PTGFRN: variants seen among roughly 807,000 people sequenced by gnomAD.
PTGFRN encodes prostaglandin F2 receptor inhibitor, also known as prostaglandin F2 receptor negative regulator.
In PTGFRN, 35 loss-of-function variants were observed where a neutral mutation model predicts 83.2. The ratio of observed to expected loss-of-function variants is 0.42; its 90% CI spans 0.32 to 0.56. The LOEUF (loss-of-function observed/expected upper bound fraction) is 0.56. Ranked by LOEUF, PTGFRN falls within the 20% of genes least tolerant of loss-of-function variation. PTGFRN has a pLI of 0.11. For missense variants in PTGFRN, 1,051 were observed against 1,179.5 expected (o/e 0.89, Z 1.60); for synonymous variants, 519 against 498.6 (o/e 1.04, Z -0.55).
chr1:116,957,124 TC>T (rs1360453443), intron 4 of PTGFRN, among the ~76,000 whole-genome samples: 21 of 150,508 alleles, frequency 1.4e-4, no homozygotes, highest in East Asian at 3.9e-4. Context: ...TCTCTCTCTC[TC>T]TTTCTCTCTC....
intron 1 of PTGFRN, among the ~76,000 whole-genome samples, chr1:116,912,865 C>T (rs1046087780): frequency 5.9e-5 from 9 of 152,168 alleles, no homozygotes; most frequent in East Asian, 1.9e-4. Flanking sequence ...CTCTTGCCTG[C>T]GTATTAATAT....
At chr1:116,969,634 AG>A (rs1190339516) in intron 6 of PTGFRN, among the ~76,000 whole-genome samples, 1 of 152,136 alleles carries the variant, frequency 6.6e-6, no homozygotes, top group Non-Finnish European at 1.5e-5. Context: ...TCTACAGTCC[AG>A]GCATCTGGGA....
chr1:116,983,112 T>C (rs548800601), intron 7 of PTGFRN, among the ~76,000 whole-genome samples: 29 of 152,330 alleles, frequency 1.9e-4, no homozygotes, highest in African/African-American at 6.5e-4. Context: ...TTAATAAATG[T>C]GGTAAATTTA....
chr1:116,960,047 AGT>A (rs1233061549), intron 4 of PTGFRN, among the ~76,000 whole-genome samples: 9 of 152,184 alleles, frequency 5.9e-5, no homozygotes, highest in Non-Finnish European at 1.2e-4. Context: ...ACATTTACTG[AGT>A]GCCTACTGCA....
intron 1 of PTGFRN, among the ~76,000 whole-genome samples, chr1:116,929,292 C>T (rs115907498): frequency 0.017 from 2,608 of 152,270 alleles, 88 homozygotes; most frequent in African/African-American, 0.06. Flanking sequence ...CAACCAAGGC[C>T]GGTGTTCATC....
Position 116,936,711 on chromosome 1 carries a change from A to G in PTGFRN, c.50-5004A>G, listed in dbSNP as rs147531957. Among the ~76,000 whole-genome samples, 3 of 152,354 alleles carry G rather than the reference A, an allele frequency of 2.0e-5. No homozygotes were observed. In the East Asian group the frequency reaches 5.8e-4, roughly 29 times the overall value. ...GTTTTGTGGGATAGAAGCATCAGAG[A>G]GTGGGAGAACAGTTGGAGATGAAGC... is the stretch of plus-strand genomic sequence containing the variant. On this transcript the variant is annotated intron_variant, in intron 1 of 8. Coordinates refer to ENST00000393203, the MANE Select transcript of PTGFRN (RefSeq NM_020440.4).
chr1:116,931,293 T>C (rs1235286502), intron 1 of PTGFRN, among the ~76,000 whole-genome samples: 1 of 152,168 alleles, frequency 6.6e-6, no homozygotes, highest in Non-Finnish European at 1.5e-5. Flanking sequence ...ATATACAGCC[T>C]GTATGACAGT....
intron 7 of PTGFRN, among the ~76,000 whole-genome samples, chr1:116,979,985 T>G (rs1411061791): frequency 2.0e-5 from 3 of 152,030 alleles, no homozygotes; most frequent in Middle Eastern, 3.2e-3. Context: ...GACAAAGGGC[T>G]AATATCCAGA....
intron 1 of PTGFRN, among the ~76,000 whole-genome samples, chr1:116,920,916 G>T (rs968175957): frequency 4.6e-5 from 7 of 152,162 alleles, no homozygotes; most frequent in African/African-American, 1.7e-4. Flanking sequence ...GAGCTACCAT[G>T]TCTAGCCGAA....
chr1:116,983,901 G>A (rs571531591), intron 7 of PTGFRN, among the ~76,000 whole-genome samples: 1 of 152,240 alleles, frequency 6.6e-6, no homozygotes, highest in South Asian at 2.1e-4. Context: ...AGAGGTCAAG[G>A]GCTTATGATG....
chr1:116,922,889 T>C (rs1649573204), intron 1 of PTGFRN, among the ~76,000 whole-genome samples: 3 of 152,228 alleles, frequency 2.0e-5, no homozygotes, highest in Non-Finnish European at 4.4e-5. Flanking sequence ...TTCTTTGGTT[T>C]ATATATTTGT....
chr1:116,916,615 C>G (rs1649413052), intron 1 of PTGFRN, among the ~76,000 whole-genome samples: 1 of 152,160 alleles, frequency 6.6e-6, no homozygotes, highest in African/African-American at 2.4e-5. Flanking sequence ...CCTGCGTACC[C>G]AGAGAGCTGT....
chr1:116,915,678 G>A lies in PTGFRN; in HGVS notation c.49+5426G>A, dbSNP rs537421824. Among the ~76,000 whole-genome samples the A allele has an allele frequency of 7.9e-5, 12 of 152,310 alleles. No homozygotes were observed. The South Asian group carries it at 1.5e-3, about 18-fold the overall frequency. The stretch of plus-strand genomic sequence containing the variant: ...TGAGCTGATTTTCCCCCCGTAGATT[G>A]AATGTACATTTTCATATTGGCACTG... On this transcript the variant is annotated intron_variant, in intron 1 of 8. Coordinates refer to ENST00000393203, the MANE Select transcript of PTGFRN (RefSeq NM_020440.4).
At chr1:116,932,328 C>T (rs945457849) in intron 1 of PTGFRN, among the ~76,000 whole-genome samples, 3 of 152,088 alleles carry the variant, frequency 2.0e-5, no homozygotes, top group African/African-American at 4.8e-5. Context: ...TCTACCTGTC[C>T]CCATCGATTC....
At chr1:116,953,434 T>C (rs1483256360) in intron 4 of PTGFRN, among the ~76,000 whole-genome samples, 1 of 152,152 alleles carries the variant, frequency 6.6e-6, no homozygotes, top group African/African-American at 2.4e-5. Context: ...AGGAGACATG[T>C]GTTAGTCCTC....
chr1:116,960,539 G>A (rs763608875), intron 4 of PTGFRN, among the ~76,000 whole-genome samples: 30 of 152,190 alleles, frequency 2.0e-4, no homozygotes, highest in Non-Finnish European at 3.8e-4. Context: ...CAGGGACATG[G>A]GGTGCTCACT....
chr1:116,927,360 G>T (rs1244057773), intron 1 of PTGFRN, among the ~76,000 whole-genome samples: 2 of 152,046 alleles, frequency 1.3e-5, no homozygotes, highest in Non-Finnish European at 2.9e-5. Context: ...GGCCTCCCAG[G>T]ATCTCTCAAA....
rs1170424412 is a variant in PTGFRN, at chr1:116,988,950, A to C, written c.*1983A>C. 6.6e-6 allele frequency: 1 copy of C among 152,242 alleles called. No individual in the cohort carries two copies. The highest frequency in any genetic ancestry group is 1.5e-5 in the Non-Finnish European group (1 of 68,054). 9.4% of individuals were successfully genotyped at this position (152,242 alleles called of 1,614,324 possible). On this transcript the variant is annotated 3_prime_UTR_variant, in exon 9 of 9. Transcript: ENST00000393203. ...AACATATCCTAACTGCTATTTCAGAAGAGGCAGCTTGTAGGTGATTGTACA... is the reference window on the plus strand; with the variant it reads ...AACATATCCTAACTGCTATTTCAGACGAGGCAGCTTGTAGGTGATTGTACA...
intron 1 of PTGFRN, among the ~76,000 whole-genome samples, chr1:116,939,846 C>G (rs1650017667): frequency 6.6e-6 from 1 of 152,160 alleles, no homozygotes; most frequent in Non-Finnish European, 1.5e-5. Context: ...TACCCTAAAT[C>G]ATCTCTCTCA....
Sources: allele counts gnomAD v4.1 joint callset (sites outside exome capture counted in the v4.1 genomes callset), GRCh38; gene constraint gnomAD v4.1.1; transcripts MANE v1.5; gene names NCBI Gene and HGNC (gene_info 2026-07-23, HGNC 2026-07-21).